The following SLCO2A1 variants were observed in gnomAD, a reference collection of about 807,000 sequenced individuals.
The protein encoded by SLCO2A1 is solute carrier organic anion transporter family member 2A1, also known as matrin F/G 1.
In SLCO2A1, 60 loss-of-function variants were observed where a neutral mutation model predicts 71.7. That is an observed-to-expected ratio of 0.84 (90% CI 0.68 to 1.04). The LOEUF (loss-of-function observed/expected upper bound fraction) is 1.04, where lower values mean the gene tolerates loss of function less well. SLCO2A1 is among the 50% of genes least tolerant of loss of function. The probability of loss-of-function intolerance (pLI) is 0.00; values close to 1 mark genes in which losing one functional copy is unlikely to be tolerated. For synonymous variants in SLCO2A1, 308 were observed against 326.7 expected (o/e 0.94, Z 0.62); for missense variants, 745 against 813.4 (o/e 0.92, Z 1.02).
At chr3:134,020,354 G>A (rs995747183) in intron 1 of SLCO2A1, among the ~76,000 whole-genome samples, 2 of 152,180 alleles carry the variant, frequency 1.3e-5, no homozygotes, top group African/African-American at 4.8e-5. Context: ...TTCCCTGACC[G>A]GGAAGCGAGG....
At position 133,935,841 on chromosome 3, in the gene SLCO2A1, A is replaced by G; in HGVS notation, c.1747T>C (p.Trp583Arg). 1 of 1,611,452 alleles carries G rather than the reference A, an allele frequency of 6.2e-7. No individual in the cohort carries two copies. Residue 583 changes from tryptophan (W) to arginine (R), a missense_variant, in exon 13 of 14, where the codon TGG becomes CGG. Coordinates refer to ENST00000310926, the MANE Select transcript of SLCO2A1 (RefSeq NM_005630.3). ...GLTIDHSCIRWNSLCLGRRGA... is the reference protein window; with the variant it reads ...GLTIDHSCIRRNSLCLGRRGA... ...CGCCTCCCCAAGCACAGCGAGTTCC[A>G]CCGGATGCAGGAGTGGTCAATGGTG... is the stretch of plus-strand genomic sequence containing the variant.
At chr3:134,002,535 G>T (rs1223782744) in intron 1 of SLCO2A1, among the ~76,000 whole-genome samples, 2 of 152,326 alleles carry the variant, frequency 1.3e-5, no homozygotes, top group East Asian at 3.9e-4. Flanking sequence ...GAATATCACA[G>T]CCGCCTCAGT....
chr3:133,990,437 G>GT (rs1006682274), intron 1 of SLCO2A1, among the ~76,000 whole-genome samples: 2 of 152,140 alleles, frequency 1.3e-5, no homozygotes, highest in African/African-American at 4.8e-5. Flanking sequence ...ATTCTGTCCC[G>GT]TTTTTCAATG....
intron 1 of SLCO2A1, among the ~76,000 whole-genome samples, chr3:133,998,159 C>T (rs765324236): frequency 4.6e-5 from 7 of 152,318 alleles, no homozygotes; most frequent in Non-Finnish European, 1.0e-4. Flanking sequence ...TCCCTTCCAG[C>T]GCAGGCTTCC....
At chr3:133,996,216 G>A (rs1414769778) in intron 1 of SLCO2A1, among the ~76,000 whole-genome samples, 3 of 152,136 alleles carry the variant, frequency 2.0e-5, no homozygotes, top group African/African-American at 4.8e-5. Flanking sequence ...CTCTGCCTGG[G>A]GGTGGCCTAG....
At chr3:133,996,312 G>A (rs1934962639) in intron 1 of SLCO2A1, among the ~76,000 whole-genome samples, 1 of 152,176 alleles carries the variant, frequency 6.6e-6, no homozygotes, top group South Asian at 2.1e-4. Flanking sequence ...AGCCACAGTG[G>A]GGGTCTAAGA....
At chr3:133,988,854 G>T (rs77802016) in intron 1 of SLCO2A1, among the ~76,000 whole-genome samples, 4,890 of 152,308 alleles carry the variant, frequency 0.032, 254 homozygotes, top group African/African-American at 0.11. Flanking sequence ...AGAGTCTGGA[G>T]ACAAGGAACT....
intron 10 of SLCO2A1, 26 bp from the exon 11 acceptor site, chr3:133,942,794 G>A (rs769571128): frequency 6.3e-7 from 1 of 1,578,616 alleles, no homozygotes; most frequent in Admixed American, 1.8e-5. Flanking sequence ...GAGGGAAAAA[G>A]GGGGAAATTT....
At chr3:133,988,340 C>G (rs1934761167) in intron 1 of SLCO2A1, among the ~76,000 whole-genome samples, 1 of 152,176 alleles carries the variant, frequency 6.6e-6, no homozygotes, top group Admixed American at 6.5e-5. Flanking sequence ...TTCTATTGAT[C>G]CCAGGTCTTT....
At chr3:134,008,327 T>C (rs1239192309) in intron 1 of SLCO2A1, among the ~76,000 whole-genome samples, 2 of 152,244 alleles carry the variant, frequency 1.3e-5, no homozygotes, top group Non-Finnish European at 2.9e-5. Context: ...CTCTGTTTTA[T>C]TCATTATCGG....
At chr3:134,015,409 G>A (rs1232843978) in intron 1 of SLCO2A1, among the ~76,000 whole-genome samples, 3 of 131,970 alleles carry the variant, frequency 2.3e-5, no homozygotes, top group Admixed American at 8.3e-5. Context: ...GAAGTAAAAA[G>A]TAGAATGATG....
chr3:134,022,635 C>T (rs1380141966), intron 1 of SLCO2A1, among the ~76,000 whole-genome samples: 1 of 152,084 alleles, frequency 6.6e-6, no homozygotes, highest in African/African-American at 2.4e-5. Context: ...TAAAATCTTA[C>T]CTTATGGTCA....
intron 1 of SLCO2A1, among the ~76,000 whole-genome samples, chr3:134,002,887 C>T (rs959967695): frequency 5.3e-5 from 8 of 152,018 alleles, no homozygotes; most frequent in African/African-American, 9.7e-5. Context: ...CATAAAACAG[C>T]GCAGCTAAAA....
intron 3 of SLCO2A1, among the ~76,000 whole-genome samples, chr3:133,956,914 G>C (rs1933912563): frequency 6.6e-6 from 1 of 152,008 alleles, no homozygotes; most frequent in Non-Finnish European, 1.5e-5. Flanking sequence ...TTTTTTATTT[G>C]CCTCATTTAT....
chr3:134,007,023 C>T (rs1432238215), intron 1 of SLCO2A1, among the ~76,000 whole-genome samples: 3 of 152,138 alleles, frequency 2.0e-5, no homozygotes, highest in African/African-American at 7.2e-5. Flanking sequence ...AGTAGCCATC[C>T]TAATGGGTGT....
At position 134,029,790 on chromosome 3, in the gene SLCO2A1, G is replaced by T; in HGVS notation, c.13C>A (p.Pro5Thr). 6.6e-7 allele frequency: 1 copy of T among 1,523,010 alleles called. No homozygotes were observed. 94.3% of individuals were successfully genotyped at this position (1,523,010 alleles called of 1,614,324 possible). A position where few individuals can be genotyped will look rare whatever the true frequency, so the allele number is the denominator to read the frequency against. The change falls in exon 1 of 14, where the codon CCC becomes ACC. Residue 5 changes from proline to threonine, a missense_variant. Coordinates refer to ENST00000310926, the MANE Select transcript of SLCO2A1 (RefSeq NM_005630.3). MGLLPKLGASQGSDT... is the reference protein window; with the variant it reads MGLLTKLGASQGSDT... ...CTGCCCTGGGACGCGCCGAGCTTGGGCAGGAGCCCCATGGCTGCGGGCGGC... is the reference window on the plus strand; with the variant it reads ...CTGCCCTGGGACGCGCCGAGCTTGGTCAGGAGCCCCATGGCTGCGGGCGGC...
At position 133,934,935 on chromosome 3, in the gene SLCO2A1, G is replaced by A. The variant is rs889332978; in HGVS notation, c.1815-105C>T. The stretch of plus-strand genomic sequence containing the variant: ...CCACATCATTCCCACGCTGGCCCGC[G>A]GAAGGTGTGGGCACCATCCAGGTGA... On this transcript the variant is annotated intron_variant, in intron 13 of 13. Coordinates refer to ENST00000310926, the MANE Select transcript of SLCO2A1 (RefSeq NM_005630.3). 9.8e-5 allele frequency: 83 copies of A among 843,760 alleles called. 2 individuals carry two copies. The highest frequency in any genetic ancestry group is 7.3e-4 in the South Asian group (47 of 64,114). 52.3% of individuals were successfully genotyped at this position (843,760 alleles called of 1,614,324 possible).
intron 11 of SLCO2A1, among the ~76,000 whole-genome samples, chr3:133,940,530 C>A (rs749088120): frequency 1.3e-5 from 2 of 152,156 alleles, no homozygotes; most frequent in Non-Finnish European, 2.9e-5. Context: ...TGCCCTTCTT[C>A]CTGCTGCATA....
At chr3:134,006,761 G>A (rs867815884) in intron 1 of SLCO2A1, among the ~76,000 whole-genome samples, 1 of 152,098 alleles carries the variant, frequency 6.6e-6, no homozygotes, top group African/African-American at 2.4e-5. Flanking sequence ...TTTGGCTATC[G>A]TGAATGGTGC....
Sources: gnomAD v4.1 joint callset for allele counts (sites outside exome capture counted in the v4.1 genomes callset) on GRCh38, gnomAD v4.1.1 for gene constraint, MANE v1.5 for transcripts, NCBI Gene and HGNC (gene_info 2026-07-23, HGNC 2026-07-21) for gene names.